SCN10A: variants seen among roughly 807,000 people sequenced by gnomAD.
SCN10A encodes sodium voltage-gated channel alpha subunit 10.
A neutral mutation model predicts 170.7 loss-of-function variants in SCN10A; 162 were observed. The ratio of observed to expected loss-of-function variants is 0.95; its 90% CI spans 0.84 to 1.08. SCN10A has a LOEUF of 1.08. Ranked by LOEUF, SCN10A falls within the 50% of genes least tolerant of loss-of-function variation. The pLI is 0.00. For missense variants in SCN10A, 2,527 were observed against 2,436.9 expected (o/e 1.04, Z -0.78); for synonymous variants, 985 against 904.6 (o/e 1.09, Z -1.59).
At chr3:38,780,437 G>T (rs990571571) in intron 4 of SCN10A, among the ~76,000 whole-genome samples, 3 of 152,026 alleles carry the variant, frequency 2.0e-5, no homozygotes, top group Admixed American at 2.0e-4. Flanking sequence ...AAAAATAGGT[G>T]AGTAAAATCC....
At position 38,702,520 on chromosome 3, in the gene SCN10A, G is replaced by A. The variant is rs563300599; in HGVS notation, c.4387-411C>T. Among the ~76,000 whole-genome samples the A allele has an allele frequency of 5.3e-5, 8 of 152,296 alleles. 1 individual carries two copies. The highest frequency in any genetic ancestry group is 4.1e-4 in the South Asian group (2 of 4,822). On this transcript the variant is annotated intron_variant, in intron 26 of 27. Transcript: ENST00000449082. ...GGGATCCCACTTTTCAGTCAGCCTC[G>A]AGTTCTAGCATTTTGTATATGCGTC... is the stretch of plus-strand genomic sequence containing the variant.
At chr3:38,759,097 A>T (rs1352485993) in intron 8 of SCN10A, among the ~76,000 whole-genome samples, 2 of 152,086 alleles carry the variant, frequency 1.3e-5, no homozygotes, top group African/African-American at 4.8e-5. Context: ...GCTCCAACTG[A>T]GATAGTTTTC....
intron 27 of SCN10A, among the ~76,000 whole-genome samples, chr3:38,700,563 G>A (rs2063145546): frequency 6.6e-6 from 1 of 152,190 alleles, no homozygotes; most frequent in African/African-American, 2.4e-5. Flanking sequence ...TCATAAAGTT[G>A]TGTACATTAA....
chr3:38,774,341 T>G (rs2064045470), intron 4 of SCN10A, among the ~76,000 whole-genome samples: 1 of 152,186 alleles, frequency 6.6e-6, no homozygotes, highest in Non-Finnish European at 1.5e-5. Context: ...GAGAGAGTGC[T>G]CTCTAAAGAC....
At chr3:38,766,815 C>G (rs142153580) in intron 5 of SCN10A, among the ~76,000 whole-genome samples, 1 of 152,220 alleles carries the variant, frequency 6.6e-6, no homozygotes, top group East Asian at 1.9e-4. Context: ...ACCAATTCTT[C>G]TTTGAATGTC....
chr3:38,793,655 G>A (rs977324766), intron 2 of SCN10A, 86 bp downstream of exon 2: 46 of 1,427,120 alleles, frequency 3.2e-5, no homozygotes, highest in Non-Finnish European at 4.3e-5. Flanking sequence ...ACATCACCCA[G>A]GGCCAAGGAG....
At chr3:38,737,017 C>T (rs1007760942) in intron 15 of SCN10A, among the ~76,000 whole-genome samples, 1 of 123,364 alleles carries the variant, frequency 8.1e-6, no homozygotes, top group African/African-American at 3.3e-5. Context: ...TTAGCCCAGG[C>T]CGGATTGCAG....
Position 38,728,792 on chromosome 3 carries a change from A to C in SCN10A, c.2390T>G (p.Ile797Ser). The change falls in exon 16 of 28, where the codon ATT (isoleucine) becomes AGT (serine). Residue 797 changes from isoleucine (I) to serine (S), a missense_variant. Transcript: ENST00000449082. The part of the protein sequence containing the change: ...LGNLTIILAI[I>S]VFVFALVGKQ... The stretch of plus-strand genomic sequence containing the variant: ...GCCAACCAGAGCAAAGACAAAGACA[A>C]TGATGGCCAGGATGATGGTGAGGTT... The C allele has an allele frequency of 1.9e-6, 3 of 1,614,138 alleles. No homozygotes were observed. The highest frequency in any genetic ancestry group is 2.7e-5 in the African/African-American group (2 of 75,038).
intron 4 of SCN10A, among the ~76,000 whole-genome samples, chr3:38,779,668 G>A (rs990759201): frequency 6.6e-5 from 10 of 151,840 alleles, no homozygotes; most frequent in African/African-American, 2.4e-4. Context: ...CCCTGAATAT[G>A]TATGTCTTTA....
chr3:38,807,584 C>A (rs2126066024), intron 1 of SCN10A, among the ~76,000 whole-genome samples: 2 of 152,250 alleles, frequency 1.3e-5, no homozygotes, highest in East Asian at 3.9e-4. Context: ...CTTCTACATA[C>A]TGGAGGTCAT....
chr3:38,711,304 G>C (rs1329010408), intron 23 of SCN10A, among the ~76,000 whole-genome samples: 1 of 152,216 alleles, frequency 6.6e-6, no homozygotes, highest in African/African-American at 2.4e-5. Context: ...TCCAGATGGA[G>C]AAGTTGAGAA....
rs548285643 is a variant in SCN10A, at chr3:38,772,419, G to A, written c.471-1012C>T. Among the ~76,000 whole-genome samples the A allele has an allele frequency of 8.3e-4, 126 of 152,290 alleles. 1 individual carries two copies. The highest frequency in any genetic ancestry group is 7.5e-3 in the South Asian group (36 of 4,826). On this transcript the variant is annotated intron_variant, in intron 4 of 27. Coordinates refer to ENST00000449082, the MANE Select transcript of SCN10A (RefSeq NM_006514.4). ...AATAAAACTGTATTGGCCAGGCGCT[G>A]TGGCTCACGCCTGTAATCGCAGCAC... is the stretch of plus-strand genomic sequence containing the variant.
At chr3:38,707,413 C>A (rs774223726) in intron 25 of SCN10A, 30 bp from the exon 26 acceptor site, 1 of 1,610,604 alleles carries the variant, frequency 6.2e-7, no homozygotes, top group Non-Finnish European at 8.5e-7. Context: ...GTTACTAAAG[C>A]AAGAGGAACC....
At chr3:38,739,727 TG>T (rs2063610982) in intron 14 of SCN10A, 39 bp from the exon 15 acceptor site, 1 of 1,526,680 alleles carries the variant, frequency 6.6e-7, no homozygotes, top group Non-Finnish European at 9.0e-7. Flanking sequence ...GTGGGATCTG[TG>T]GGGTCGGAGG....
chr3:38,718,825 G>T lies in SCN10A; in HGVS notation c.3509C>A (p.Ala1170Asp), dbSNP rs267599801. 3 of 1,613,684 alleles carry T rather than the reference G, an allele frequency of 1.9e-6. No homozygotes were observed. The highest frequency in any genetic ancestry group is 2.5e-6 in the Non-Finnish European group (3 of 1,179,850). ...CTGGTCCAGGTAATAGTCTTCAAAGGCCTGGAAGGAAGAAAGGATGCAGAA... is the reference window on the plus strand; with the variant it reads ...CTGGTCCAGGTAATAGTCTTCAAAGTCCTGGAAGGAAGAAAGGATGCAGAA... Reference protein sequence around the residue: ...FMILLSSGSLAFEDYYLDQKP... With the variant: ...FMILLSSGSLDFEDYYLDQKP... Residue 1170 changes from alanine to aspartate, a missense_variant and splice_region_variant, in exon 21 of 28, where the codon GCC (alanine) becomes GAC (aspartate). Transcript: ENST00000449082.
chr3:38,785,039 T>G (rs1477739193), intron 4 of SCN10A, among the ~76,000 whole-genome samples: 1 of 152,114 alleles, frequency 6.6e-6, no homozygotes, highest in Non-Finnish European at 1.5e-5. Context: ...ATCAATATTG[T>G]GAAAATGGCC....
chr3:38,753,482 C>A (rs960643489), intron 11 of SCN10A, among the ~76,000 whole-genome samples: 1 of 152,142 alleles, frequency 6.6e-6, no homozygotes, highest in South Asian at 2.1e-4. Context: ...GTTCTCCTTA[C>A]TAATCCCCTT....
chr3:38,759,127 G>C (rs2063840375), intron 8 of SCN10A, among the ~76,000 whole-genome samples: 1 of 152,108 alleles, frequency 6.6e-6, no homozygotes, highest in African/African-American at 2.4e-5. Flanking sequence ...TGATGAAGGT[G>C]GAGCCTCATG....
chr3:38,789,046 C>T lies in SCN10A; in HGVS notation c.390-10G>A. The T allele has an allele frequency of 6.3e-7, 1 of 1,582,484 alleles. No homozygotes were observed. Among genetic ancestry groups the T allele is most frequent in the Non-Finnish European group, 8.7e-7 (1 of 1,151,722 alleles). On this transcript the variant is annotated splice_polypyrimidine_tract_variant and intron_variant, in intron 3 of 27. Coordinates refer to ENST00000449082, the MANE Select transcript of SCN10A (RefSeq NM_006514.4). ...AAATAAACTGAACCACCTGAAAGGC[C>T]TGTGTTAAGGAAAAGCTGAGATCAC...
Sources: gnomAD v4.1 joint callset for allele counts (sites outside exome capture counted in the v4.1 genomes callset) on GRCh38, gnomAD v4.1.1 for gene constraint, MANE v1.5 for transcripts, NCBI Gene and HGNC (gene_info 2026-07-23, HGNC 2026-07-21) for gene names.